Variants in RUNDC3B observed in about 807,000 individuals in gnomAD.
RUNDC3B encodes the protein RUN domain-containing protein 3B.
A neutral mutation model predicts 58.4 loss-of-function variants in RUNDC3B; 33 were observed. The ratio of observed to expected loss-of-function variants is 0.56; its 90% confidence interval spans 0.43 to 0.75. The LOEUF is 0.75. Ranked by LOEUF, RUNDC3B falls within the 30% of genes least tolerant of loss-of-function variation. The pLI is 0.00. For synonymous variants in RUNDC3B, 193 were observed against 195.2 expected (o/e 0.99, Z 0.10); for missense variants, 501 against 535.7 (o/e 0.94, Z 0.64).
At chr7:87,783,251 C>T (rs1395472528) in intron 8 of RUNDC3B, among the ~76,000 whole-genome samples, 2 of 151,736 alleles carry the variant, frequency 1.3e-5, no homozygotes, top group Non-Finnish European at 2.9e-5. Context: ...ATGTAATGAC[C>T]GTAATGACCT....
At chr7:87,664,151 A>G (rs1056531798) in intron 2 of RUNDC3B, among the ~76,000 whole-genome samples, 19 of 152,058 alleles carry the variant, frequency 1.2e-4, no homozygotes, top group African/African-American at 4.6e-4. Context: ...CACTTTTAAA[A>G]TAATATTAAA....
At chr7:87,755,393 A>C (rs1482496729) in intron 6 of RUNDC3B, among the ~76,000 whole-genome samples, 1 of 152,190 alleles carries the variant, frequency 6.6e-6, no homozygotes, top group Admixed American at 6.5e-5. Context: ...TTATTCTATG[A>C]GGCCAGTATC....
intron 8 of RUNDC3B, among the ~76,000 whole-genome samples, chr7:87,783,964 A>AATC (rs1407830613): frequency 6.6e-6 from 1 of 152,016 alleles, no homozygotes; most frequent in Admixed American, 6.6e-5. Flanking sequence ...GGCAAGTCTG[A>AATC]AGATTCTGTG....
chr7:87,771,119 T>G (rs1326975443), intron 7 of RUNDC3B, among the ~76,000 whole-genome samples: 2 of 152,204 alleles, frequency 1.3e-5, no homozygotes, highest in African/African-American at 2.4e-5. Flanking sequence ...AGCTCTTGTG[T>G]GTTAAGCACT....
At chr7:87,797,291 T>C (rs1835872487) in intron 8 of RUNDC3B, among the ~76,000 whole-genome samples, 1 of 152,156 alleles carries the variant, frequency 6.6e-6, no homozygotes, top group Non-Finnish European at 1.5e-5. Context: ...TTAAAGTCGT[T>C]TCTGATGGGT....
At chr7:87,756,246 T>C (rs1410722514) in intron 6 of RUNDC3B, among the ~76,000 whole-genome samples, 1 of 152,096 alleles carries the variant, frequency 6.6e-6, no homozygotes, top group Non-Finnish European at 1.5e-5. Context: ...CTTTCTAGTA[T>C]TTAGGGCATT....
At chr7:87,814,712 AATC>A (rs1450962181) in intron 9 of RUNDC3B, among the ~76,000 whole-genome samples, 1 of 152,176 alleles carries the variant, frequency 6.6e-6, no homozygotes, top group Non-Finnish European at 1.5e-5. Context: ...TATTTGTTGT[AATC>A]ATCATAAGTT....
At chr7:87,711,905 T>G (rs1583964692) in intron 4 of RUNDC3B, among the ~76,000 whole-genome samples, 1 of 152,192 alleles carries the variant, frequency 6.6e-6, no homozygotes. Context: ...TAATTACAAC[T>G]ATAAACTAGT....
chr7:87,736,855 C>CTATATATATATATA (rs1554479935), intron 4 of RUNDC3B, among the ~76,000 whole-genome samples: 1 of 36,214 alleles, frequency 2.8e-5, no homozygotes, highest in Non-Finnish European at 5.0e-5. Flanking sequence ...ATATATATAC[C>CTATATATATATATA]TATATATATA....
At chr7:87,756,894 C>T (rs891678784) in intron 6 of RUNDC3B, among the ~76,000 whole-genome samples, 3 of 152,098 alleles carry the variant, frequency 2.0e-5, no homozygotes, top group Admixed American at 6.6e-5. Context: ...CCTCTCCCTC[C>T]TCATGGTCTC....
chr7:87,828,869 A>C (rs943477657), intron 10 of RUNDC3B, among the ~76,000 whole-genome samples: 59 of 152,332 alleles, frequency 3.9e-4, no homozygotes, highest in African/African-American at 1.3e-3. Context: ...GTAACAGGCA[A>C]ATAGAAACAC....
intron 9 of RUNDC3B, among the ~76,000 whole-genome samples, chr7:87,815,272 A>G (rs1175195108): frequency 6.6e-6 from 1 of 152,144 alleles, no homozygotes; most frequent in Non-Finnish European, 1.5e-5. Context: ...TATAAAAATT[A>G]TTGTAAAATA....
intron 2 of RUNDC3B, among the ~76,000 whole-genome samples, chr7:87,691,745 G>T (rs993457116): frequency 6.6e-6 from 1 of 152,010 alleles, no homozygotes; most frequent in Non-Finnish European, 1.5e-5. Flanking sequence ...TCTTTCTGGG[G>T]TTGTCAGTGA....
chr7:87,693,996 C>T, intron 2 of RUNDC3B: 1 of 1,607,184 alleles, frequency 6.2e-7, no homozygotes, highest in South Asian at 1.1e-5. Context: ...CACTGAGCTG[C>T]ACGGGAGCAT....
intron 2 of RUNDC3B, among the ~76,000 whole-genome samples, chr7:87,685,147 A>G (rs1827331752): frequency 6.6e-6 from 1 of 152,204 alleles, no homozygotes. Context: ...TAATGATAAG[A>G]CAAGGCATAG....
rs869109911 is a variant in RUNDC3B at position 87,736,889 on chromosome 7, A to AT, written c.459-2876dup. 9.0e-3 allele frequency among the ~76,000 whole-genome samples: 253 copies of AT among 28,230 alleles called. 28 individuals carry two copies. Among genetic ancestry groups the AT allele is most frequent in the South Asian group, 0.013 (6 of 476 alleles). 18.5% of individuals were successfully genotyped at this position (28,230 alleles called of 152,430 possible). ...TATATATATATATATATATATATAT[A>AT]TTTTTTTTTTTTTTTTTTTTTTTTT... On this transcript the variant is annotated intron_variant, in intron 4 of 10. Transcript: ENST00000394654.
At chr7:87,818,343 T>C (rs754807233) in intron 10 of RUNDC3B, among the ~76,000 whole-genome samples, 2 of 151,920 alleles carry the variant, frequency 1.3e-5, no homozygotes, top group Non-Finnish European at 2.9e-5. Context: ...ATAAAATGAG[T>C]AAAAATTAAC....
At chr7:87,701,035 C>G (rs1199264542) in intron 3 of RUNDC3B, among the ~76,000 whole-genome samples, 1 of 152,140 alleles carries the variant, frequency 6.6e-6, no homozygotes, top group Non-Finnish European at 1.5e-5. Context: ...CTTATTAAAT[C>G]TCAACTTTGA....
chr7:87,712,208 A>G (rs984530966), intron 4 of RUNDC3B, among the ~76,000 whole-genome samples: 1 of 152,140 alleles, frequency 6.6e-6, no homozygotes, highest in African/African-American at 2.4e-5. Flanking sequence ...GCATAAAGTA[A>G]ATCTGATATA....
Sources: allele counts gnomAD v4.1 joint callset (sites outside exome capture counted in the v4.1 genomes callset), GRCh38; gene constraint gnomAD v4.1.1; transcripts MANE v1.5; gene names NCBI Gene and HGNC (gene_info 2026-07-23, HGNC 2026-07-21).